SLC23A2: variants seen among roughly 807,000 people sequenced by gnomAD.
SLC23A2 encodes Na(+)/L-ascorbic acid transporter 2.
A neutral mutation model predicts 73.3 loss-of-function variants in SLC23A2; 36 were observed. That is an observed-to-expected ratio of 0.49 (90% CI 0.38 to 0.65). The LOEUF (loss-of-function observed/expected upper bound fraction) is 0.65. Ranked by LOEUF, SLC23A2 falls within the 30% of genes least tolerant of loss-of-function variation. SLC23A2 has a pLI of 0.00. For missense variants in SLC23A2, 507 were observed against 841.6 expected, an observed-to-expected ratio of 0.60 and a Z score of 4.92; for synonymous variants, 343 against 327.3, an observed-to-expected ratio of 1.05 and a Z score of -0.52.
At chr20:4,918,415 T>C (rs34993852) in intron 3 of SLC23A2, among the ~76,000 whole-genome samples, 2,505 of 152,324 alleles carry the variant, frequency 0.016, 69 homozygotes, top group African/African-American at 0.057. Flanking sequence ...TTGTCTCCAA[T>C]ATGCAATTGC....
chr20:4,957,832 C>T (rs1047806817), intron 2 of SLC23A2, among the ~76,000 whole-genome samples: 2 of 147,442 alleles, frequency 1.4e-5, no homozygotes, highest in African/African-American at 5.1e-5. Context: ...AACCGGAATG[C>T]AGAAGTTGCA....
intron 1 of SLC23A2, among the ~76,000 whole-genome samples, chr20:4,986,419 T>C (rs2087827626): frequency 6.6e-6 from 1 of 152,152 alleles, no homozygotes. Context: ...ATTCAAGCAA[T>C]TCTCCTGCCT....
chr20:4,900,096 C>A (rs1355873717), intron 5 of SLC23A2, among the ~76,000 whole-genome samples: 1 of 152,074 alleles, frequency 6.6e-6, no homozygotes, highest in Non-Finnish European at 1.5e-5. Flanking sequence ...GTGTCAAACA[C>A]CTGGGCTCAA....
chr20:4,977,569 G>A (rs1232537612), intron 1 of SLC23A2, among the ~76,000 whole-genome samples: 1 of 151,390 alleles, frequency 6.6e-6, no homozygotes, highest in East Asian at 1.9e-4. Flanking sequence ...ATGGTGGCAT[G>A]CACCTGTAGT....
intron 4 of SLC23A2, 49 bp downstream of exon 4, chr20:4,912,831 G>A: frequency 8.5e-7 from 1 of 1,178,094 alleles, no homozygotes. Context: ...CAGCACTTGT[G>A]GGAGGGGATG....
At chr20:4,915,568 T>C (rs1715363) in intron 3 of SLC23A2, among the ~76,000 whole-genome samples, 4,509 of 152,264 alleles carry the variant, frequency 0.03, 96 homozygotes, top group Middle Eastern at 0.058. Flanking sequence ...TGTGTTTTTG[T>C]AGTCAAGGAA....
chr20:4,871,594 C>T (rs538161765), intron 11 of SLC23A2, among the ~76,000 whole-genome samples: 7 of 152,180 alleles, frequency 4.6e-5, no homozygotes, highest in East Asian at 1.9e-4. Context: ...CAAAGTCAGA[C>T]GTGCAGAATA....
chr20:4,931,438 T>G (rs1438067220), intron 3 of SLC23A2, among the ~76,000 whole-genome samples: 1 of 152,136 alleles, frequency 6.6e-6, no homozygotes, highest in Non-Finnish European at 1.5e-5. Flanking sequence ...ATGCCAACAG[T>G]TTCAGATGCA....
rs1322211074 is a variant in SLC23A2, at chr20:4,899,661, C to T, written c.376G>A (p.Asp126Asn). 2 of 1,614,144 alleles carry T rather than the reference C, an allele frequency of 1.2e-6. No homozygotes were observed. Among genetic ancestry groups the T allele is most frequent in the African/African-American group, 1.3e-5 (1 of 75,032 alleles). Reference sequence around the variant, plus strand: ...TGGTCGTACCCCACACACATGGCATCGGCCAACAGGAAGGGCACTGCGATC... The same window carrying T: ...TGGTCGTACCCCACACACATGGCATTGGCCAACAGGAAGGGCACTGCGATC... Reference protein sequence around the residue: ...GTIAVPFLLADAMCVGYDQWA... With the variant: ...GTIAVPFLLANAMCVGYDQWA... Residue 126 changes from aspartate to asparagine, a missense_variant, in exon 6 of 17, where the codon GAT becomes AAT. This residue lies in a region of SLC23A2 where 217 missense variants were observed against 398.0 expected (regional missense o/e 0.55). Transcript: ENST00000338244. This position sits in a 1 kb window ranked among gnomAD's most constrained non-coding sequence, Gnocchi z 4.9.
rs141889568 is a variant in SLC23A2, at chr20:4,908,820, T to C, written c.207+4060A>G. Among the ~76,000 whole-genome samples the C allele has an allele frequency of 5.3e-3, 807 of 152,234 alleles. 5 individuals carry two copies. Among genetic ancestry groups the C allele is most frequent in the African/African-American group, 0.019 (778 of 41,550 alleles). On this transcript the variant is annotated intron_variant, in intron 4 of 16. Transcript: ENST00000338244. ...GTGCACGCCTGTGATCCCAGCTACT[T>C]GGGAGGCTCAGGCTGAGGTATGAGA...
chr20:4,961,432 C>A (rs901838328), intron 2 of SLC23A2, among the ~76,000 whole-genome samples: 4 of 152,134 alleles, frequency 2.6e-5, no homozygotes, highest in Non-Finnish European at 5.9e-5. Context: ...TATCTCCAAT[C>A]CCCCAGAGTG....
At chr20:5,002,207 C>T (rs2088138397), upstream of SLC23A2, among the ~76,000 whole-genome samples, 1 of 152,134 alleles carries the variant, frequency 6.6e-6, no homozygotes, top group African/African-American at 2.4e-5. Context: ...GGTCTTAGAG[C>T]TGGGCAGCCT....
chr20:4,919,359 T>C (rs1396548644), intron 3 of SLC23A2, among the ~76,000 whole-genome samples: 1 of 152,162 alleles, frequency 6.6e-6, no homozygotes, highest in Non-Finnish European at 1.5e-5. Context: ...CCCAGCCTGG[T>C]CTTCTTAGGG....
chr20:4,988,074 G>A (rs929813859), intron 1 of SLC23A2, among the ~76,000 whole-genome samples: 7 of 151,034 alleles, frequency 4.6e-5, no homozygotes, highest in African/African-American at 1.5e-4. Context: ...CAAGGCAGAC[G>A]GATCACTCAA....
At position 4,955,356 on chromosome 20, in the gene SLC23A2, AACACACAC is replaced by A. The variant is rs71197734; in HGVS notation, c.-155+15429_-155+15436del. Among the ~76,000 whole-genome samples, 812 of 144,820 alleles carry A rather than the reference AACACACAC, an allele frequency of 5.6e-3. 6 individuals are homozygous for A. Among genetic ancestry groups the A allele is most frequent in the East Asian group, 0.034 (162 of 4,834 alleles). ...TCTGTCTACCCAGAAAATGAGTTAA[AACACACAC>A]ACACACACACACACACACACACACA... On this transcript the variant is annotated intron_variant, in intron 2 of 16. Coordinates refer to ENST00000338244, the MANE Select transcript of SLC23A2 (RefSeq NM_005116.6).
chr20:4,865,373 C>G (rs1246751623), intron 13 of SLC23A2, among the ~76,000 whole-genome samples: 2 of 152,132 alleles, frequency 1.3e-5, no homozygotes, highest in Non-Finnish European at 2.9e-5. Flanking sequence ...CTTGCTGGTC[C>G]AGGTAGGGAG....
intron 2 of SLC23A2, among the ~76,000 whole-genome samples, chr20:4,935,850 G>T (rs1776979): frequency 0.15 from 23,218 of 151,940 alleles, 2,288 homozygotes; most frequent in African/African-American, 0.27. Context: ...TATCTATGTA[G>T]AAAAAATCTG....
intron 4 of SLC23A2, among the ~76,000 whole-genome samples, chr20:4,905,499 A>G (rs986687182): frequency 4.6e-5 from 7 of 152,220 alleles, no homozygotes; most frequent in Non-Finnish European, 1.0e-4. Context: ...CTACATAAAT[A>G]ATTACGTCAC....
At chr20:4,892,646 C>G (rs1931373880) in intron 6 of SLC23A2, among the ~76,000 whole-genome samples, 1 of 152,130 alleles carries the variant, frequency 6.6e-6, no homozygotes, top group African/African-American at 2.4e-5. Context: ...GTAATTTTGG[C>G]AACAATGTTT....
Sources: allele counts gnomAD v4.1 joint callset (sites outside exome capture counted in the v4.1 genomes callset), GRCh38; gene constraint gnomAD v4.1.1; regional missense constraint gnomAD v4.1.1; non-coding constraint Gnocchi (gnomAD v3.1); transcripts MANE v1.5; gene names NCBI Gene and HGNC (gene_info 2026-07-23, HGNC 2026-07-21).